POFUT2: variants seen among roughly 807,000 people sequenced by gnomAD.
POFUT2 encodes GDP-fucose protein O-fucosyltransferase 2.
Under a neutral mutation model 55.0 loss-of-function variants are expected in POFUT2, and 30 were observed. The observed-to-expected ratio is 0.55, with a 90% CI of 0.41 to 0.74. POFUT2 has a LOEUF of 0.74. Among genes scored for constraint, POFUT2 ranks in the 30% least tolerant of loss-of-function variants. The pLI is 0.00. For missense variants in POFUT2, 524 were observed against 562.6 expected (o/e 0.93, Z 0.69); for synonymous variants, 267 against 231.1 (o/e 1.16, Z -1.41).
intron 4 of POFUT2, among the ~76,000 whole-genome samples, chr21:45,279,623 C>T (rs1412054395): frequency 1.3e-5 from 2 of 152,278 alleles, no homozygotes; most frequent in East Asian, 1.9e-4. Context: ...GGGAACCAGC[C>T]GTGCACGGCC....
In POFUT2 at chr21:45,285,759, G is replaced by C; in HGVS notation, c.301C>G (p.Arg101Gly). 6.2e-7 allele frequency: 1 copy of C among 1,613,442 alleles called. No homozygotes were observed. The highest frequency in any genetic ancestry group is 8.5e-7 in the Non-Finnish European group (1 of 1,179,660). ...HWQSPDIHQV[R>G]IPWSEFFDLP... ...TCAAAAAACTCAGACCAGGGAATCC[G>C]GACCTGGTGGATGTCAGGACTCTGC... is the stretch of plus-strand genomic sequence containing the variant. The change falls in exon 2 of 9, where the codon CGG becomes GGG. Residue 101 changes from arginine (R) to glycine (G), a missense_variant. Around this residue, in one of 2 missense-constraint regions of POFUT2, gnomAD observed 274 missense variants for 244.4 expected, o/e 1.12. Coordinates refer to ENST00000349485, the MANE Select transcript of POFUT2 (RefSeq NM_133635.6). This position sits in a 1 kb window ranked among gnomAD's most constrained non-coding sequence, Gnocchi z 4.9.
At chr21:45,278,738 G>A (rs774628535) in intron 4 of POFUT2, among the ~76,000 whole-genome samples, 5 of 152,242 alleles carry the variant, frequency 3.3e-5, no homozygotes, top group African/African-American at 1.2e-4. Flanking sequence ...TGAAGCAGCG[G>A]CTGTGAAAGG....
chr21:45,276,728 C>T (rs933567716), intron 6 of POFUT2, among the ~76,000 whole-genome samples: 19 of 152,258 alleles, frequency 1.2e-4, no homozygotes, highest in African/African-American at 3.6e-4. Context: ...CTGGCCTTGC[C>T]GCGCTCTGAG....
At position 45,277,068 on chromosome 21, in the gene POFUT2, G is replaced by A; in HGVS notation, c.780C>T (p.Ser260=). The part of the protein sequence containing the change: ...GDEFRSRHLN[S]TDDADRIPFQ... ...AGGGGATCCTGTCTGCGTCGTCCGT[G>A]GAGTTGAGATGTCTGCTCCTGAACT... is the stretch of plus-strand genomic sequence containing the variant. The change falls in exon 6 of 9, where the codon TCC becomes TCT. Residue 260 remains serine (S), a synonymous_variant. Coordinates refer to ENST00000349485, the MANE Select transcript of POFUT2 (RefSeq NM_133635.6). The surrounding 1 kb of genome is among the most constrained non-coding windows in gnomAD (Gnocchi z 6.9). 6.2e-7 allele frequency: 1 copy of A among 1,614,110 alleles called. No individual in the cohort carries two copies.
In POFUT2 at chr21:45,266,227, A is replaced by G. The variant is rs147254759; in HGVS notation, c.1137-592T>C. 1.5e-5 allele frequency: 20 copies of G among 1,367,590 alleles called. No individual in the cohort carries two copies. In the African/African-American group the frequency reaches 2.8e-4, roughly 19 times the overall value. The allele number at this position is 1,367,590 out of a possible 1,614,324, so 84.7% of individuals were successfully genotyped here. ...CTGGCTCTCCAGCGGCACTTCATGA[A>G]CTTCGTGAACAAGCAAACCCCAGAG... On this transcript the variant is annotated intron_variant, in intron 8 of 8. Coordinates refer to ENST00000349485, the MANE Select transcript of POFUT2 (RefSeq NM_133635.6).
Position 45,267,578 on chromosome 21 carries a change from G to A in POFUT2, c.1136+12C>T, listed in dbSNP as rs764016140. On this transcript the variant is annotated intron_variant, in intron 8 of 8. Transcript: ENST00000349485. The surrounding 1 kb of genome is among the most constrained non-coding windows in gnomAD (Gnocchi z 4.4). ...CGACCCGCTCTCGGCCGACAGTGACGTGGGCAGGCACCTGGCGTGTGCGCA... is the reference window on the plus strand; with the variant it reads ...CGACCCGCTCTCGGCCGACAGTGACATGGGCAGGCACCTGGCGTGTGCGCA... The A allele has an allele frequency of 9.9e-6, 16 of 1,614,042 alleles. No individual in the cohort carries two copies. Among genetic ancestry groups the A allele is most frequent in the Middle Eastern group, 1.6e-4 (1 of 6,084 alleles).
At chr21:45,278,192 TAAAC>T in intron 4 of POFUT2, 23 bp from the exon 5 acceptor site, 1 of 1,583,116 alleles carries the variant, frequency 6.3e-7, no homozygotes, top group Non-Finnish European at 8.7e-7. Context: ...AACAGAAGAA[TAAAC>T]AGTTATAAGA....
At chr21:45,283,240 C>T (rs1459870796) in intron 3 of POFUT2, 143 bp downstream of exon 3, 13 of 418,162 alleles carry the variant, frequency 3.1e-5, no homozygotes, top group African/African-American at 1.1e-4. Context: ...CGGGGGGAGG[C>T]GGGGTGCTGC....
chr21:45,285,310 C>G lies in POFUT2; in HGVS notation c.382+368G>C, dbSNP rs982957496. 5.8e-6 allele frequency: 2 copies of G among 342,282 alleles called. No homozygotes were observed. Among genetic ancestry groups the G allele is most frequent in the Admixed American group, 4.0e-5 (1 of 24,734 alleles). The allele number at this position is 342,282 out of a possible 1,614,324, so 21.2% of individuals were successfully genotyped here. A position where few individuals can be genotyped will look rare whatever the true frequency, so the allele number is the denominator to read the frequency against. On this transcript the variant is annotated intron_variant, in intron 2 of 8. Transcript: ENST00000349485. This position sits in a 1 kb window ranked among gnomAD's most constrained non-coding sequence, Gnocchi z 4.9. ...GCACTGAGACACCACGAAGCATACT[C>G]CACACGCAGTGCGTCTTCCTGAACG...
At chr21:45,274,206 C>G (rs1262220681) in intron 6 of POFUT2, among the ~76,000 whole-genome samples, 1 of 152,134 alleles carries the variant, frequency 6.6e-6, no homozygotes, top group African/African-American at 2.4e-5. Context: ...GAACTCAACT[C>G]CTTTTACAAC....
chr21:45,266,000 A>G lies in POFUT2; in HGVS notation c.1137-365T>C. On this transcript the variant is annotated intron_variant, in intron 8 of 8. Coordinates refer to ENST00000349485, the MANE Select transcript of POFUT2 (RefSeq NM_133635.6). This position sits in a 1 kb window ranked among gnomAD's most constrained non-coding sequence, Gnocchi z 4.6. ...ATACCTCCTGGGGGTCACATGGTGA[A>G]CAATGAGAGATTCCTACTAACCACA... 10 of 1,209,146 alleles carry G rather than the reference A, an allele frequency of 8.3e-6. No individual in the cohort carries two copies. The highest frequency in any genetic ancestry group is 1.1e-5 in the Non-Finnish European group (10 of 952,010). 74.9% of individuals were successfully genotyped at this position (1,209,146 alleles called of 1,614,324 possible).
In POFUT2 at chr21:45,270,208, A is replaced by G. The variant is rs773693590; in HGVS notation, c.832-189T>C. ...CGACCAGATGTCTTTCTAAGAAGAC[A>G]GTGAAGCAGTATTAATTACCAGAAA... On this transcript the variant is annotated intron_variant, in intron 6 of 8. Coordinates refer to ENST00000349485, the MANE Select transcript of POFUT2 (RefSeq NM_133635.6). This position sits in a 1 kb window ranked among gnomAD's most constrained non-coding sequence, Gnocchi z 4.6. The G allele has an allele frequency of 2.5e-4, 104 of 419,380 alleles. No homozygotes were observed. The highest frequency in any genetic ancestry group is 4.1e-4 in the Non-Finnish European group (99 of 240,440). 26.0% of individuals were successfully genotyped at this position (419,380 alleles called of 1,614,324 possible). A position where few individuals can be genotyped will look rare whatever the true frequency, so the allele number is the denominator to read the frequency against.
Position 45,268,894 on chromosome 21 carries a change from C to T in POFUT2, c.1012+945G>A, listed in dbSNP as rs1235177760. On this transcript the variant is annotated intron_variant, in intron 7 of 8. Coordinates refer to ENST00000349485, the MANE Select transcript of POFUT2 (RefSeq NM_133635.6). ...CAGCACCCCGGGCGGCCAGCCGCCC[C>T]GTCCGGGAGGGAGGTGGGGGGGTCA... Among the ~76,000 whole-genome samples, 25 of 109,220 alleles carry T rather than the reference C, an allele frequency of 2.3e-4. 2 individuals carry two copies. Among genetic ancestry groups the T allele is most frequent in the Admixed American group, 1.5e-3 (18 of 12,112 alleles). 71.7% of individuals were successfully genotyped at this position (109,220 alleles called of 152,430 possible). A position where few individuals can be genotyped will look rare whatever the true frequency, so the allele number is the denominator to read the frequency against.
intron 2 of POFUT2, 97 bp from the exon 3 acceptor site, chr21:45,283,624 C>T (rs1170002977): frequency 3.2e-6 from 4 of 1,240,216 alleles, no homozygotes; most frequent in Middle Eastern, 1.9e-4. Context: ...TACTACTGTA[C>T]ACCACCCTAT....
chr21:45,278,254 C>T, intron 4 of POFUT2, 85 bp from the exon 5 acceptor site: 1 of 1,209,652 alleles, frequency 8.3e-7, no homozygotes, highest in South Asian at 1.2e-5. Context: ...CTGGGAGAAC[C>T]CCGGGCCGAG....
In POFUT2 at chr21:45,278,148, G is replaced by A. The variant is rs767675664; in HGVS notation, c.660C>T (p.Ala220=). The change falls in exon 5 of 9, where the codon GCC becomes GCT. Residue 220 remains alanine (A), a synonymous_variant. Coordinates refer to ENST00000349485, the MANE Select transcript of POFUT2 (RefSeq NM_133635.6). The part of the protein sequence containing the change: ...TSARSVMLDR[A]ENLLHDHYGG... ...CATAGTGGTCGTGAAGTAGGTTCTCGGCTCTGTCTAACATCACGGACCTGT... is the reference window on the plus strand; with the variant it reads ...CATAGTGGTCGTGAAGTAGGTTCTCAGCTCTGTCTAACATCACGGACCTGT... 41 of 1,613,466 alleles carry A rather than the reference G, an allele frequency of 2.5e-5. No individual in the cohort carries two copies. The highest frequency in any genetic ancestry group is 1.6e-4 in the South Asian group (15 of 91,072).
chr21:45,268,164 T>C (rs1432745682), intron 7 of POFUT2, among the ~76,000 whole-genome samples: 1 of 152,182 alleles, frequency 6.6e-6, no homozygotes, highest in Non-Finnish European at 1.5e-5. Flanking sequence ...TGACTGGTTT[T>C]GGTGGAGACG....
chr21:45,274,318 C>T (rs779776418), intron 6 of POFUT2, among the ~76,000 whole-genome samples: 6 of 152,106 alleles, frequency 3.9e-5, no homozygotes, highest in Admixed American at 6.5e-5. Flanking sequence ...TCATAGACAA[C>T]AAAAACTAAT....
intron 6 of POFUT2, among the ~76,000 whole-genome samples, chr21:45,274,524 G>A (rs2146595168): frequency 6.6e-6 from 1 of 152,204 alleles, no homozygotes; most frequent in East Asian, 1.9e-4. Flanking sequence ...TAAGCAAAAA[G>A]TACAAATCTG....
Sources: allele counts gnomAD v4.1 joint callset (sites outside exome capture counted in the v4.1 genomes callset), GRCh38; gene constraint gnomAD v4.1.1; regional missense constraint gnomAD v4.1.1; non-coding constraint Gnocchi (gnomAD v3.1); transcripts MANE v1.5; gene names NCBI Gene and HGNC (gene_info 2026-07-23, HGNC 2026-07-21).